The following ASPM variants were observed in gnomAD, a reference collection of about 807,000 sequenced individuals.
ASPM encodes assembly factor for spindle microtubules.
A neutral mutation model predicts 366.4 loss-of-function variants in ASPM; 256 were observed. That is an observed-to-expected ratio of 0.70 (90% CI 0.63 to 0.77). The LOEUF is 0.77. ASPM is among the 30% of genes least tolerant of loss of function. The pLI is 0.00. For missense variants in ASPM, 4,146 were observed against 4,090.4 expected (o/e 1.01, Z -0.37); for synonymous variants, 1,414 against 1,342.9 (o/e 1.05, Z -1.16).
chr1:197,143,227 A>T lies in ASPM; in HGVS notation c.1025T>A (p.Met342Lys), dbSNP rs756747157. 7 of 1,612,938 alleles carry T rather than the reference A, an allele frequency of 4.3e-6. No individual in the cohort carries two copies. The highest frequency in any genetic ancestry group is 5.1e-6 in the Non-Finnish European group (6 of 1,179,124). The change falls in exon 3 of 28, where the codon ATG (methionine) becomes AAG (lysine). Residue 342 changes from methionine (M) to lysine (K), a missense_variant. By Grantham distance (95) the Met-to-Lys change is moderately conservative. Coordinates refer to ENST00000367409, the MANE Select transcript of ASPM (RefSeq NM_018136.5). ...LELVTCLSSD[M>K]FMKDNSQPVH... ...AGGCTGTGAATTATCTTTCATAAAC[A>T]TATCTGATGAAAGACATGTTACTAA... is the stretch of plus-strand genomic sequence containing the variant.
In ASPM at chr1:197,094,055, T is replaced by A. The variant is rs745791448; in HGVS notation, c.9084+29A>T. ...GTTTTCTATTTCCTAAAGTAGTTAT[T>A]TGCAAGTGAATTAATTTTTAATACC... is the stretch of plus-strand genomic sequence containing the variant. On this transcript the variant is annotated intron_variant, in intron 20 of 27. Transcript: ENST00000367409. The A allele has an allele frequency of 4.7e-6, 6 of 1,276,276 alleles. No individual in the cohort carries two copies. The South Asian group carries it at 7.9e-5, about 17-fold the overall frequency. The allele number at this position is 1,276,276 out of a possible 1,614,324, so 79.1% of individuals were successfully genotyped here.
At position 197,088,525 on chromosome 1, in the gene ASPM, T is replaced by C. The variant is rs558129478; in HGVS notation, c.9985-93A>G. 18 of 1,229,280 alleles carry C rather than the reference T, an allele frequency of 1.5e-5. 1 individual carries two copies. The highest frequency in any genetic ancestry group is 1.2e-4 in the East Asian group (5 of 42,508). The allele number at this position is 1,229,280 out of a possible 1,614,324, so 76.1% of individuals were successfully genotyped here. ...AAAACAAAATACAAAAGTCCATACT[T>C]AGTATAGCCAAATTTTTGGACCACC... is the stretch of plus-strand genomic sequence containing the variant. On this transcript the variant is annotated intron_variant, in intron 25 of 27. Transcript: ENST00000367409.
In ASPM at chr1:197,101,131, TC is replaced by T; in HGVS notation, c.8119del (p.Asp2707IlefsTer22). On this transcript the variant is annotated frameshift_variant, in exon 18 of 28. Coordinates refer to ENST00000367409, the MANE Select transcript of ASPM (RefSeq NM_018136.5). LOFTEE classifies it high-confidence loss of function. Reference sequence around the variant, plus strand: ...AATTGCAGTTTTCTTTGTTTCATAATCAACTTTGGCCCTGTGCATTCGATAG... The same window carrying T: ...AATTGCAGTTTTCTTTGTTTCATAATAACTTTGGCCCTGTGCATTCGATAG... ...SFYRMHRAKV[D>X]YETKKTAIVV... is the part of the protein sequence containing the mutation. The T allele has an allele frequency of 6.2e-7, 1 of 1,612,288 alleles. No individual in the cohort carries two copies. Among genetic ancestry groups the T allele is most frequent in the South Asian group, 1.1e-5 (1 of 91,048 alleles).
rs1657218763 is a variant in ASPM, at chr1:197,102,315, T to C, written c.6936A>G (p.Gln2312=). 1.9e-6 allele frequency: 3 copies of C among 1,612,830 alleles called. No individual in the cohort carries two copies. In the African/African-American group the frequency reaches 4.0e-5, roughly 22 times the overall value. Residue 2312 remains glutamine (Q), a synonymous_variant, in exon 18 of 28, where the codon CAA becomes CAG. Coordinates refer to ENST00000367409, the MANE Select transcript of ASPM (RefSeq NM_018136.5). The part of the protein sequence containing the change: ...TKHHLQFLQV[Q]NAVIKIQSSY... ...ATGACTGGATTTTAATAACTGCATT[T>C]TGTACCTGAAGGAACTGTAAGTGAT...
chr1:197,114,097 AAAT>A (rs1471317914), intron 17 of ASPM, among the ~76,000 whole-genome samples: 2 of 152,220 alleles, frequency 1.3e-5, no homozygotes, highest in African/African-American at 4.8e-5. Context: ...ACAATAAAGC[AAAT>A]ATTACAATAA....
intron 13 of ASPM, 27 bp downstream of exon 13, chr1:197,124,083 G>A: frequency 6.4e-7 from 1 of 1,563,134 alleles, no homozygotes; most frequent in South Asian, 1.1e-5. Context: ...AATATATTGG[G>A]TTAAAACAAA....
Position 197,090,639 on chromosome 1 carries a change from A to G in ASPM, c.9636+211T>C, listed in dbSNP as rs138681474. Among the ~76,000 whole-genome samples the G allele has an allele frequency of 5.9e-3, 895 of 152,252 alleles. 5 individuals are homozygous for G. The highest frequency in any genetic ancestry group is 0.013 in the Admixed American group (192 of 15,256). On this transcript the variant is annotated intron_variant, in intron 23 of 27. Transcript: ENST00000367409. ...GTCTAAATTTATTCAAAATGTTAAA[A>G]TATTTTTACTTCTTGATTATAAACC... is the stretch of plus-strand genomic sequence containing the variant.
At chr1:197,092,618 T>C (rs894822086) in intron 21 of ASPM, among the ~76,000 whole-genome samples, 11 of 151,946 alleles carry the variant, frequency 7.2e-5, no homozygotes, top group East Asian at 3.9e-4. Context: ...TATTGTAAGC[T>C]TGAATATCAT....
rs1223257505 is a variant in ASPM at position 197,142,947 on chromosome 1, C to T, written c.1305G>A (p.Ser435=). The change falls in exon 3 of 28, where the codon TCG becomes TCA. Residue 435 remains serine (S), a synonymous_variant. Coordinates refer to ENST00000367409, the MANE Select transcript of ASPM (RefSeq NM_018136.5). The part of the protein sequence containing the change: ...SPEDWRKSEV[S]PRIPECQGSK... ...AACCCTGACATTCAGGAATACGTGG[C>T]GAAACTTCACTTTTTCTCCAATCTT... The T allele has an allele frequency of 5.0e-6, 8 of 1,613,866 alleles. No individual in the cohort carries two copies. The Admixed American group carries it at 6.7e-5, about 13-fold the overall frequency.
intron 17 of ASPM, among the ~76,000 whole-genome samples, chr1:197,111,846 T>TAAAAAGTC (rs1444076498): frequency 3.3e-5 from 5 of 152,062 alleles, no homozygotes; most frequent in Non-Finnish European, 5.9e-5. Context: ...TGGCTATTAC[T>TAAAAAGTC]AAAAAGTCAA....
At chr1:197,098,595 T>C (rs1012174039) in intron 18 of ASPM, among the ~76,000 whole-genome samples, 35 of 151,688 alleles carry the variant, frequency 2.3e-4, no homozygotes, top group African/African-American at 8.0e-4. Context: ...AGGAATTTGA[T>C]ACCATAATCT....
chr1:197,102,077 GA>G lies in ASPM; in HGVS notation c.7173del (p.Gln2392ArgfsTer7). The G allele has an allele frequency of 1.9e-6, 3 of 1,613,024 alleles. No individual in the cohort carries two copies. Among genetic ancestry groups the G allele is most frequent in the Non-Finnish European group, 2.5e-6 (3 of 1,179,316 alleles). ...GTTTTCATACCCCTGAATGCAGCCT[GA>G]AGGATCACAGCAGAGTGTCTTTGTC... ...YLRQRHSAVI[L>X]QAAFRGMKTR... On this transcript the variant is annotated frameshift_variant, in exon 18 of 28. Coordinates refer to ENST00000367409, the MANE Select transcript of ASPM (RefSeq NM_018136.5). LOFTEE classifies it high-confidence loss of function.
At chr1:197,094,042 CTAAAG>C (rs1193120974) in intron 20 of ASPM, 37 bp downstream of exon 20, 1 of 1,161,178 alleles carries the variant, frequency 8.6e-7, no homozygotes, top group Admixed American at 2.1e-5. Flanking sequence ...TTTCTATTTC[CTAAAG>C]TAGTTATTTG....
At chr1:197,138,676 T>C (rs1475975422) in intron 4 of ASPM, 2 of 591,990 alleles carry the variant, frequency 3.4e-6, no homozygotes, top group East Asian at 5.8e-5. Flanking sequence ...CAGATTTAAA[T>C]GCTACAAATA....
chr1:197,114,278 T>C (rs1232333604), intron 17 of ASPM, among the ~76,000 whole-genome samples: 3 of 152,220 alleles, frequency 2.0e-5, no homozygotes, highest in African/African-American at 7.2e-5. Flanking sequence ...ATGTGAGCCT[T>C]CAGCAAATTG....
chr1:197,090,854 A>G lies in ASPM; in HGVS notation c.9632T>C (p.Ile3211Thr). The G allele has an allele frequency of 6.2e-7, 1 of 1,612,346 alleles. No homozygotes were observed. Among genetic ancestry groups the G allele is most frequent in the Non-Finnish European group, 8.5e-7 (1 of 1,178,890 alleles). The part of the protein sequence containing the change: ...QEKFTSGIIK[I>T]QALWRGYSWR... ...AACTATACAAGTTTCAATTACCTGA[A>G]TTTTAATGATTCCACTAGTGAATTT... The change falls in exon 23 of 28, where the codon ATT becomes ACT. Residue 3211 changes from isoleucine to threonine, a missense_variant. Physicochemically the swap from Ile to Thr is moderately conservative, Grantham distance 89 (BLOSUM62 -1). Coordinates refer to ENST00000367409, the MANE Select transcript of ASPM (RefSeq NM_018136.5).
At chr1:197,144,734 A>G (rs1373460439) in intron 1 of ASPM, among the ~76,000 whole-genome samples, 2 of 152,214 alleles carry the variant, frequency 1.3e-5, no homozygotes, top group African/African-American at 4.8e-5. Flanking sequence ...GTCTAATGCC[A>G]GAGTTTGGAC....
chr1:197,114,014 T>A (rs905064165), intron 17 of ASPM, among the ~76,000 whole-genome samples: 11 of 116,006 alleles, frequency 9.5e-5, no homozygotes, highest in African/African-American at 3.0e-4. Context: ...ACAAGTACTT[T>A]AAAAAACTCT....
intron 18 of ASPM, among the ~76,000 whole-genome samples, chr1:197,097,333 G>A (rs1456868525): frequency 6.6e-6 from 1 of 151,692 alleles, no homozygotes; most frequent in African/African-American, 2.4e-5. Flanking sequence ...CCCCTGCACA[G>A]ATCTCCCCAT....
Sources: allele counts gnomAD v4.1 joint callset (sites outside exome capture counted in the v4.1 genomes callset), GRCh38; gene constraint gnomAD v4.1.1; transcripts MANE v1.5; gene names NCBI Gene and HGNC (gene_info 2026-07-23, HGNC 2026-07-21).